Variants in IDH1 observed in about 807,000 individuals in gnomAD.
IDH1 encodes the protein isocitrate dehydrogenase (NADP(+)) 1.
IDH1 carries 33 observed loss-of-function variants against 46.1 expected under a neutral mutation model. The ratio of observed to expected loss-of-function variants is 0.72; its 90% CI spans 0.54 to 0.96. The LOEUF (loss-of-function observed/expected upper bound fraction) is 0.96, where lower values mean the gene tolerates loss of function less well. IDH1 is among the 40% of genes least tolerant of loss of function. IDH1 has a pLI of 0.00. For synonymous variants in IDH1, 144 were observed against 172.8 expected, an observed-to-expected ratio of 0.83 and a Z score of 1.31; for missense variants, 421 against 515.7, an observed-to-expected ratio of 0.82 and a Z score of 1.78.
intron 9 of IDH1, among the ~76,000 whole-genome samples, chr2:208,237,883 G>A (rs111239276): frequency 7.9e-5 from 12 of 151,112 alleles, no homozygotes; most frequent in Non-Finnish European, 1.5e-4. Flanking sequence ...CGAAGATCAC[G>A]CCACTGCACT....
At chr2:208,241,369 C>A (rs1687916066) in intron 7 of IDH1, among the ~76,000 whole-genome samples, 1 of 149,890 alleles carries the variant, frequency 6.7e-6, no homozygotes, top group African/African-American at 2.5e-5. Flanking sequence ...GGACTATAGG[C>A]ATGCGACCAC....
At chr2:208,248,125 G>GA (rs1156342787) in intron 4 of IDH1, 88 of 551,528 alleles carry the variant, frequency 1.6e-4, no homozygotes, top group South Asian at 7.0e-4. Context: ...AAGGATAAAG[G>GA]AAAAAAAACA....
chr2:208,245,293 G>A (rs753361096), intron 5 of IDH1, 26 bp downstream of exon 5: 5 of 1,087,462 alleles, frequency 4.6e-6, no homozygotes, highest in Non-Finnish European at 7.0e-6. Context: ...AAAAAAAAAA[G>A]AAGCTTATGC....
At chr2:208,253,471 A>G (rs1004180480) in intron 2 of IDH1, among the ~76,000 whole-genome samples, 10 of 152,218 alleles carry the variant, frequency 6.6e-5, no homozygotes, top group Non-Finnish European at 1.3e-4. Context: ...CTCCAACCCA[A>G]TCCCAACTTC....
Position 208,251,543 on chromosome 2 carries a change from T to C in IDH1, c.9A>G (p.Lys3=). The change falls in exon 3 of 10, where the codon AAA becomes AAG. Residue 3 remains lysine, a synonymous_variant. Transcript: ENST00000345146. ...CTACCACAGAACCGCCACTGATTTT[T>C]TTGGACATTTTGACTTCAATAAACC... The part of the protein sequence containing the change: MS[K]KISGGSVVEM... 6.2e-7 allele frequency: 1 copy of C among 1,613,908 alleles called. No homozygotes were observed. The highest frequency in any genetic ancestry group is 1.1e-5 in the South Asian group (1 of 91,066).
At position 208,245,444 on chromosome 2, in the gene IDH1, G is replaced by T; in HGVS notation, c.415-20C>A. 1.4e-6 allele frequency: 2 copies of T among 1,381,960 alleles called. No individual in the cohort carries two copies. The highest frequency in any genetic ancestry group is 2.1e-6 in the Non-Finnish European group (2 of 971,156). The allele number at this position is 1,381,960 out of a possible 1,614,324, so 85.6% of individuals were successfully genotyped here. ...TCTGTACTGTGTAGAGGGGAAAAAG[G>T]TATAAAGAAAAAAAAAATACCCTAG... On this transcript the variant is annotated intron_variant, in intron 4 of 9. Coordinates refer to ENST00000345146, the MANE Select transcript of IDH1 (RefSeq NM_005896.4).
chr2:208,241,286 G>A (rs144082087), intron 7 of IDH1, among the ~76,000 whole-genome samples: 342 of 152,222 alleles, frequency 2.2e-3, no homozygotes, highest in African/African-American at 7.4e-3. Flanking sequence ...GTATAGTGGC[G>A]TGATCTCAGC....
intron 1 of IDH1, among the ~76,000 whole-genome samples, chr2:208,254,674 G>A (rs1221020532): frequency 6.6e-6 from 1 of 152,100 alleles, no homozygotes; most frequent in Admixed American, 6.5e-5. Flanking sequence ...CCTTGTCGTT[G>A]CATCCAACTT....
intron 3 of IDH1, 67 bp from the exon 4 acceptor site, chr2:208,248,727 T>G: frequency 2.9e-6 from 4 of 1,380,780 alleles, no homozygotes; most frequent in Non-Finnish European, 4.1e-6. Context: ...ACAACTGCAG[T>G]GATGGCATAT....
At chr2:208,248,685 A>G (rs1181142085) in intron 3 of IDH1, 25 bp from the exon 4 acceptor site, 4 of 1,606,932 alleles carry the variant, frequency 2.5e-6, no homozygotes, top group African/African-American at 1.3e-5. Flanking sequence ...ATTAGAAGCA[A>G]AGTTTTTCAG....
rs1221821161 is a variant in IDH1, at chr2:208,239,116, C to A, written c.1109G>T (p.Gly370Val). ...EEVSIETIEA[G>V]FMTKDLAACI... ...AGCAGCCAAGTCCTTGGTCATGAAG[C>A]CAGCCTCAATTGTCTCAATAGAGAC... is the stretch of plus-strand genomic sequence containing the variant. The change falls in exon 9 of 10, where the codon GGC becomes GTC. Residue 370 changes from glycine to valine, a missense_variant. By Grantham distance (109) the Gly-to-Val change is moderately radical. Coordinates refer to ENST00000345146, the MANE Select transcript of IDH1 (RefSeq NM_005896.4). The A allele has an allele frequency of 6.2e-7, 1 of 1,613,970 alleles. No homozygotes were observed. Among genetic ancestry groups the A allele is most frequent in the Admixed American group, 1.7e-5 (1 of 59,996 alleles).
chr2:208,246,890 C>T (rs1402758062), intron 4 of IDH1, among the ~76,000 whole-genome samples: 1 of 152,108 alleles, frequency 6.6e-6, no homozygotes, highest in Non-Finnish European at 1.5e-5. Flanking sequence ...TTGCAGTGAG[C>T]CAAGATCACA....
At chr2:208,239,027 T>C (rs1559358692) in intron 9 of IDH1, 44 bp downstream of exon 9, 1 of 1,539,572 alleles carries the variant, frequency 6.5e-7, no homozygotes, top group Non-Finnish European at 9.0e-7. Flanking sequence ...CCAGTGAGGA[T>C]AAGTGTTAAT....
At chr2:208,242,348 G>A (rs1305369534) in intron 6 of IDH1, among the ~76,000 whole-genome samples, 1 of 152,188 alleles carries the variant, frequency 6.6e-6, no homozygotes, top group Admixed American at 6.5e-5. Context: ...TTGACTATCT[G>A]TAGGAACAAT....
At chr2:208,238,008 C>T (rs1008220202) in intron 9 of IDH1, among the ~76,000 whole-genome samples, 2 of 151,710 alleles carry the variant, frequency 1.3e-5, no homozygotes, top group Non-Finnish European at 2.9e-5. Context: ...CAAAGGTATT[C>T]CACTGATAAG....
chr2:208,251,589 A>G, intron 2 of IDH1, 22 bp from the exon 3 acceptor site: 1 of 1,587,388 alleles, frequency 6.3e-7, no homozygotes, highest in Non-Finnish European at 8.6e-7. Context: ...AAAAAAATAC[A>G]TGCCTTGTCA....
At chr2:208,251,893 G>A (rs898413970) in intron 2 of IDH1, among the ~76,000 whole-genome samples, 6 of 152,040 alleles carry the variant, frequency 3.9e-5, no homozygotes, top group South Asian at 2.1e-4. Flanking sequence ...TAGCTAGAGC[G>A]TGGCAGAGCC....
chr2:208,253,683 C>G (rs1250219263), intron 2 of IDH1, among the ~76,000 whole-genome samples: 1 of 152,134 alleles, frequency 6.6e-6, no homozygotes. Flanking sequence ...AGTTCATGAA[C>G]TACAATAATT....
intron 3 of IDH1, among the ~76,000 whole-genome samples, chr2:208,249,148 A>G (rs1209959438): frequency 1.3e-5 from 2 of 151,830 alleles, no homozygotes; most frequent in African/African-American, 4.8e-5. Flanking sequence ...AAAAATGCGA[A>G]TGACTACTTC....
Sources: allele counts gnomAD v4.1 joint callset (sites outside exome capture counted in the v4.1 genomes callset), GRCh38; gene constraint gnomAD v4.1.1; transcripts MANE v1.5; gene names NCBI Gene and HGNC (gene_info 2026-07-23, HGNC 2026-07-21).